Variants in TRPC4 observed in about 807,000 individuals in gnomAD.
TRPC4 encodes short transient receptor potential channel 4.
TRPC4 carries 49 observed loss-of-function variants against 99.4 expected under a neutral mutation model. The ratio of observed to expected loss-of-function variants is 0.49; its 90% CI spans 0.39 to 0.63. TRPC4 has a LOEUF of 0.63. Among genes scored for constraint, TRPC4 ranks in the 20% least tolerant of loss-of-function variants. The pLI is 0.00. For missense variants in TRPC4, 898 were observed against 1,152.9 expected, an observed-to-expected ratio of 0.78 and a Z score of 3.20; for synonymous variants, 454 against 425.9, an observed-to-expected ratio of 1.07 and a Z score of -0.81.
chr13:37,654,607 A>T (rs1169915443), intron 7 of TRPC4, among the ~76,000 whole-genome samples: 1 of 152,174 alleles, frequency 6.6e-6, no homozygotes, highest in South Asian at 2.1e-4. Flanking sequence ...AGTTAATATT[A>T]CTTCTCTTAA....
At chr13:37,824,357 C>T (rs1473290402) in intron 1 of TRPC4, among the ~76,000 whole-genome samples, 1 of 148,722 alleles carries the variant, frequency 6.7e-6, no homozygotes, top group East Asian at 2.0e-4. Context: ...TGCCAGTTTT[C>T]AAAGGGAATG....
At chr13:37,688,979 A>G (rs1953586333) in intron 4 of TRPC4, among the ~76,000 whole-genome samples, 1 of 152,186 alleles carries the variant, frequency 6.6e-6, no homozygotes, top group South Asian at 2.1e-4. Context: ...AAGAGAATAG[A>G]GGATTCATTA....
At chr13:37,689,064 T>C (rs1953591815) in intron 4 of TRPC4, among the ~76,000 whole-genome samples, 1 of 152,228 alleles carries the variant, frequency 6.6e-6, no homozygotes, top group Admixed American at 6.5e-5. Flanking sequence ...ATTCCTACTC[T>C]GATGTCTTTA....
At chr13:37,821,933 A>T (rs1412254683) in intron 1 of TRPC4, among the ~76,000 whole-genome samples, 3 of 152,176 alleles carry the variant, frequency 2.0e-5, no homozygotes, top group African/African-American at 7.2e-5. Context: ...TGCCAAAAGC[A>T]ATTACAATAA....
At chr13:37,730,413 C>T (rs908334131) in intron 3 of TRPC4, among the ~76,000 whole-genome samples, 5 of 152,078 alleles carry the variant, frequency 3.3e-5, no homozygotes, top group Admixed American at 3.3e-4. Context: ...GCACTTCCCT[C>T]ATGAATTCCT....
chr13:37,763,100 AC>A (rs1443775667), intron 2 of TRPC4, among the ~76,000 whole-genome samples: 2 of 151,572 alleles, frequency 1.3e-5, no homozygotes, highest in Non-Finnish European at 2.9e-5. Flanking sequence ...GTTAAAAAAA[AC>A]CTATATAATA....
chr13:37,811,153 T>A (rs1957674283), intron 1 of TRPC4, among the ~76,000 whole-genome samples: 1 of 152,144 alleles, frequency 6.6e-6, no homozygotes, highest in African/African-American at 2.4e-5. Flanking sequence ...TAATAAGATA[T>A]CTTAGAAGCT....
intron 2 of TRPC4, among the ~76,000 whole-genome samples, chr13:37,754,134 A>C (rs935813009): frequency 1.3e-5 from 2 of 152,138 alleles, no homozygotes; most frequent in African/African-American, 4.8e-5. Context: ...CCTCACAAAC[A>C]TTTAGAAAAC....
At chr13:37,651,099 G>C (rs1221870291) in intron 8 of TRPC4, 166 bp downstream of exon 8, 2 of 753,476 alleles carry the variant, frequency 2.7e-6, no homozygotes, top group Admixed American at 5.7e-5. Context: ...AGAAATCCTA[G>C]TTAATCAGAC....
At chr13:37,670,971 G>A (rs1000814935) in intron 5 of TRPC4, among the ~76,000 whole-genome samples, 3 of 152,042 alleles carry the variant, frequency 2.0e-5, no homozygotes, top group African/African-American at 7.2e-5. Flanking sequence ...TCATGTTACA[G>A]TAGCCCCTCT....
intron 8 of TRPC4, among the ~76,000 whole-genome samples, chr13:37,646,019 A>G (rs1951851967): frequency 6.6e-6 from 1 of 152,220 alleles, no homozygotes; most frequent in Non-Finnish European, 1.5e-5. Flanking sequence ...TAAGCGTCCT[A>G]AAGATTAGGG....
Position 37,746,075 on chromosome 13 carries a change from C to G in TRPC4, c.759G>C (p.Lys253Asn), listed in dbSNP as rs746592437. ...AACTTCTCGTCTGATCCAGTAGGTC[C>G]TTAGCAAATTGTTTGCACTGCCGTG... ...ELSRQCKQFA[K>N]DLLDQTRSSR... The change falls in exon 3 of 11, where the codon AAG becomes AAC. Residue 253 changes from lysine to asparagine, a missense_variant. By Grantham distance (94) the Lys-to-Asn change is moderately conservative. Coordinates refer to ENST00000379705, the MANE Select transcript of TRPC4 (RefSeq NM_016179.4). 2.5e-6 allele frequency: 4 copies of G among 1,613,924 alleles called. No homozygotes were observed. The South Asian group carries it at 4.4e-5, about 18-fold the overall frequency.
chr13:37,635,321 C>T lies in TRPC4; in HGVS notation c.*1582G>A, dbSNP rs116977711. 5.9e-3 allele frequency among the ~76,000 whole-genome samples: 896 copies of T among 152,228 alleles called. 5 individuals are homozygous for T. The highest frequency in any genetic ancestry group is 9.6e-3 in the Admixed American group (147 of 15,278). On this transcript the variant is annotated 3_prime_UTR_variant, in exon 11 of 11. Coordinates refer to ENST00000379705, the MANE Select transcript of TRPC4 (RefSeq NM_016179.4). ...ACAGCTCCATCATGAGCTGTATTACCTTAGCCAGTTAGTGCTGGTCTCAGT... is the reference window on the plus strand; with the variant it reads ...ACAGCTCCATCATGAGCTGTATTACTTTAGCCAGTTAGTGCTGGTCTCAGT...
chr13:37,833,883 A>G (rs1303786638), intron 1 of TRPC4, among the ~76,000 whole-genome samples: 1 of 152,152 alleles, frequency 6.6e-6, no homozygotes, highest in Non-Finnish European at 1.5e-5. Context: ...TTGTCTTTGT[A>G]TTTTAGCTAA....
chr13:37,661,750 T>A (rs967711818), intron 6 of TRPC4, among the ~76,000 whole-genome samples: 1 of 151,156 alleles, frequency 6.6e-6, no homozygotes, highest in African/African-American at 2.4e-5. Context: ...CCATTGTAAA[T>A]CTCTAATCCG....
intron 4 of TRPC4, among the ~76,000 whole-genome samples, chr13:37,677,994 T>G (rs542404281): frequency 6.6e-6 from 1 of 152,240 alleles, no homozygotes; most frequent in East Asian, 1.9e-4. Context: ...TCCCCAAATA[T>G]TTTTCAACTA....
intron 4 of TRPC4, among the ~76,000 whole-genome samples, chr13:37,690,538 G>A (rs139138597): frequency 6.6e-6 from 1 of 152,080 alleles, no homozygotes; most frequent in African/African-American, 2.4e-5. Flanking sequence ...CAAGCGATCC[G>A]CCCGCTTTGG....
Position 37,780,556 on chromosome 13 carries a change from T to C in TRPC4, c.378+2400A>G, listed in dbSNP as rs533780731. Among the ~76,000 whole-genome samples the C allele has an allele frequency of 8.9e-4, 135 of 152,206 alleles. 1 individual carries two copies. The highest frequency in any genetic ancestry group is 1.5e-3 in the Non-Finnish European group (103 of 68,014). ...AATTACACCTTATGAGAGAAAAAAG[T>C]CCTATCAAGGACATATTTGCTACTT... On this transcript the variant is annotated intron_variant, in intron 2 of 10. Coordinates refer to ENST00000379705, the MANE Select transcript of TRPC4 (RefSeq NM_016179.4).
At chr13:37,827,197 A>G (rs996094502) in intron 1 of TRPC4, among the ~76,000 whole-genome samples, 4 of 151,650 alleles carry the variant, frequency 2.6e-5, no homozygotes, top group Admixed American at 6.6e-5. Context: ...AAAGTTCTCA[A>G]CTTCTTTGAC....
Sources: gnomAD v4.1 joint callset for allele counts (sites outside exome capture counted in the v4.1 genomes callset) on GRCh38, gnomAD v4.1.1 for gene constraint, MANE v1.5 for transcripts, NCBI Gene and HGNC (gene_info 2026-07-23, HGNC 2026-07-21) for gene names.